STRAP: variants seen among roughly 807,000 people sequenced by gnomAD.
STRAP encodes the protein serine/threonine kinase receptor associated protein.
STRAP carries 16 observed loss-of-function variants against 47.0 expected under a neutral mutation model. That is an observed-to-expected ratio of 0.34 (90% CI 0.23 to 0.52). The LOEUF is 0.52. Ranked by LOEUF, STRAP falls within the 20% of genes least tolerant of loss-of-function variation. The probability of loss-of-function intolerance (pLI) is 0.96; values close to 1 mark genes in which losing one functional copy is unlikely to be tolerated. For synonymous variants in STRAP, 130 were observed against 142.7 expected, an observed-to-expected ratio of 0.91 and a Z score of 0.63; for missense variants, 293 against 420.0, an observed-to-expected ratio of 0.70 and a Z score of 2.64.
At chr12:15,885,618 G>A (rs71459198) in intron 2 of STRAP, among the ~76,000 whole-genome samples, 1 of 151,682 alleles carries the variant, frequency 6.6e-6, no homozygotes, top group African/African-American at 2.4e-5. Context: ...TGTGGTGGCA[G>A]ATACGTGACT....
At position 15,890,703 on chromosome 12, in the gene STRAP, A is replaced by C. The variant is rs2136109685; in HGVS notation, c.403+34A>C. 6.6e-7 allele frequency: 1 copy of C among 1,519,160 alleles called. No individual in the cohort carries two copies. Among genetic ancestry groups the C allele is most frequent in the South Asian group, 1.2e-5 (1 of 83,642 alleles). The allele number at this position is 1,519,160 out of a possible 1,614,324, so 94.1% of individuals were successfully genotyped here. Reference sequence around the variant, plus strand: ...AATTTAAACATCAGCTTCTAGTTTTATTTTCTTTTAATTTAAATAACTGAT... The same window carrying C: ...AATTTAAACATCAGCTTCTAGTTTTCTTTTCTTTTAATTTAAATAACTGAT... On this transcript the variant is annotated intron_variant, in intron 4 of 9. Coordinates refer to ENST00000419869, the MANE Select transcript of STRAP (RefSeq NM_007178.4). The surrounding 1 kb of genome is among the most constrained non-coding windows in gnomAD (Gnocchi z 4.5).
chr12:15,895,786 C>G (rs1442603643), intron 6 of STRAP, among the ~76,000 whole-genome samples: 1 of 143,372 alleles, frequency 7.0e-6, no homozygotes, highest in Non-Finnish European at 1.5e-5. Flanking sequence ...TTGCTGGAGC[C>G]TGGGAGGTTG....
chr12:15,892,987 T>TA (rs1217867158), intron 4 of STRAP, among the ~76,000 whole-genome samples: 1 of 152,224 alleles, frequency 6.6e-6, no homozygotes, highest in African/African-American at 2.4e-5. Flanking sequence ...TAAGCCCTAT[T>TA]CGCATTTGTA....
In STRAP at chr12:15,894,253, G is replaced by A; in HGVS notation, c.500+110G>A. 1 of 764,226 alleles carries A rather than the reference G, an allele frequency of 1.3e-6. No individual in the cohort carries two copies. The highest frequency in any genetic ancestry group is 2.7e-5 in the East Asian group (1 of 36,560). The allele number at this position is 764,226 out of a possible 1,614,324, so 47.3% of individuals were successfully genotyped here. On this transcript the variant is annotated intron_variant, in intron 5 of 9. Transcript: ENST00000419869. The surrounding 1 kb of genome is among the most constrained non-coding windows in gnomAD (Gnocchi z 4.9). ...CCGGGTGGATCATTAGAGGTCAGGA[G>A]TACTAGACCAGCCTGGCCGACATGG...
chr12:15,882,640 C>T lies in STRAP; in HGVS notation c.-68C>T. On this transcript the variant is annotated 5_prime_UTR_variant, in exon 1 of 10. Transcript: ENST00000419869. ...GGGCCTGGAGCAGCCCGAGGCACTG[C>T]AGCAGAAGAGAGAAAAGACAACGAC... 1.5e-6 allele frequency: 2 copies of T among 1,372,178 alleles called. No homozygotes were observed. Among genetic ancestry groups the T allele is most frequent in the Non-Finnish European group, 2.0e-6 (2 of 990,738 alleles). 85.0% of individuals were successfully genotyped at this position (1,372,178 alleles called of 1,614,324 possible).
At chr12:15,899,397 T>A (rs541107650) in intron 7 of STRAP, among the ~76,000 whole-genome samples, 1 of 152,328 alleles carries the variant, frequency 6.6e-6, no homozygotes, top group South Asian at 2.1e-4. Context: ...TATTTATGGA[T>A]CATTGTTGAT....
intron 4 of STRAP, among the ~76,000 whole-genome samples, chr12:15,893,642 A>G (rs1207667806): frequency 1.4e-5 from 2 of 147,904 alleles, no homozygotes; most frequent in Non-Finnish European, 3.0e-5. Flanking sequence ...ATATTATACA[A>G]TAATGCTTTT....
intron 4 of STRAP, among the ~76,000 whole-genome samples, chr12:15,892,338 T>A (rs1416919029): frequency 6.6e-6 from 1 of 152,184 alleles, no homozygotes; most frequent in Admixed American, 6.5e-5. Context: ...TGAAATTCTT[T>A]ATGCATTCTC....
intron 6 of STRAP, 129 bp from the exon 7 acceptor site, chr12:15,897,753 C>G: frequency 7.8e-6 from 3 of 386,984 alleles, no homozygotes; most frequent in Non-Finnish European, 4.3e-6. Context: ...TTTTTTACAT[C>G]AGTGTTTATG....
chr12:15,895,428 A>G lies in STRAP; in HGVS notation c.570A>G (p.Glu190=). 2 of 1,607,920 alleles carry G rather than the reference A, an allele frequency of 1.2e-6. No individual in the cohort carries two copies. Among genetic ancestry groups the G allele is most frequent in the East Asian group, 2.2e-5 (1 of 44,570 alleles). Residue 190 remains glutamate, a synonymous_variant, in exon 6 of 10, where the codon GAA becomes GAG. Transcript: ENST00000419869. The part of the protein sequence containing the change: ...LNFNMSVSSM[E]YIPEGEILVI... ...TTAATATGTCTGTTAGTAGTATGGAATATATTCCTGAGGGAGAGATTTTGG... is the reference window on the plus strand; with the variant it reads ...TTAATATGTCTGTTAGTAGTATGGAGTATATTCCTGAGGGAGAGATTTTGG...
rs1948040543 is a variant in STRAP at position 15,894,142 on chromosome 12, C to T, written c.499C>T (p.Arg167Ter). 4.3e-6 allele frequency: 7 copies of T among 1,610,638 alleles called. No homozygotes were observed. Among genetic ancestry groups the T allele is most frequent in the Non-Finnish European group, 5.1e-6 (6 of 1,178,042 alleles). The change falls in exon 5 of 10, where the codon CGA becomes TGA. Residue 167 changes from arginine (R) to a stop codon, truncating the protein, a stop_gained and splice_region_variant. Coordinates refer to ENST00000419869, the MANE Select transcript of STRAP (RefSeq NM_007178.4). LOFTEE classifies it high-confidence loss of function. This position sits in a 1 kb window ranked among gnomAD's most constrained non-coding sequence, Gnocchi z 4.9. ...TCTTTCTGCTGATGACAAAACTGTT[C>T]GGTAAGTAATTTTTCTTTAATAATT... is the stretch of plus-strand genomic sequence containing the variant. ...QILSADDKTV[R>*]LWDHATMTEV...
At chr12:15,899,732 A>G (rs1948088290) in intron 7 of STRAP, among the ~76,000 whole-genome samples, 172 bp from the exon 8 acceptor site, 1 of 152,234 alleles carries the variant, frequency 6.6e-6, no homozygotes, top group African/African-American at 2.4e-5. Flanking sequence ...TCTTACAGAG[A>G]AAGGGTCAAT....
chr12:15,889,946 C>T lies in STRAP; in HGVS notation c.267C>T (p.Val89=), dbSNP rs767321231. The T allele has an allele frequency of 1.9e-6, 3 of 1,613,470 alleles. No homozygotes were observed. In the African/African-American group the frequency reaches 4.0e-5, roughly 22 times the overall value. Residue 89 remains valine (V), a synonymous_variant, in exon 3 of 10, where the codon GTC becomes GTT. Coordinates refer to ENST00000419869, the MANE Select transcript of STRAP (RefSeq NM_007178.4). ...ADFTAKVWDA[V]SGDELMTLAH... ...CTTTTAGCAAAGTGTGGGATGCTGT[C>T]TCAGGAGATGAATTGATGACCCTGG... is the stretch of plus-strand genomic sequence containing the variant.
At chr12:15,891,118 GT>G (rs1268601209) in intron 4 of STRAP, among the ~76,000 whole-genome samples, 1 of 151,518 alleles carries the variant, frequency 6.6e-6, no homozygotes, top group East Asian at 1.9e-4. Flanking sequence ...TCAGTTTTTG[GT>G]TTATAAACTT....
chr12:15,897,713 ATTT>A (rs367620027), intron 6 of STRAP, among the ~76,000 whole-genome samples, 166 bp from the exon 7 acceptor site: 7 of 118,680 alleles, frequency 5.9e-5, no homozygotes, highest in Admixed American at 8.4e-5. Flanking sequence ...TATCCATTTG[ATTT>A]TTTTTTTTTT....
rs879449752 is a variant in STRAP, at chr12:15,884,507, C to CTT, written c.248+844_248+845dup. Among the ~76,000 whole-genome samples, 395 of 140,988 alleles carry CTT rather than the reference C, an allele frequency of 2.8e-3. 3 individuals carry two copies. The highest frequency in any genetic ancestry group is 9.6e-3 in the African/African-American group (376 of 38,970). The allele number at this position is 140,988 out of a possible 152,430, so 92.5% of individuals were successfully genotyped here. A position where few individuals can be genotyped will look rare whatever the true frequency, so the allele number is the denominator to read the frequency against. On this transcript the variant is annotated intron_variant, in intron 2 of 9. Coordinates refer to ENST00000419869, the MANE Select transcript of STRAP (RefSeq NM_007178.4). ...GTCCCAGAAATTCGGATTTTTAAAA[C>CTT]TTTTTTTTTTTTTTACTTTTTTACT...
intron 6 of STRAP, among the ~76,000 whole-genome samples, chr12:15,895,898 A>G (rs1419402861): frequency 6.6e-6 from 1 of 150,864 alleles, no homozygotes; most frequent in East Asian, 1.9e-4. Context: ...AACTACTGAA[A>G]TGGTGCTGTC....
Position 15,887,160 on chromosome 12 carries a change from T to TA in STRAP, c.249-2766dup, listed in dbSNP as rs1947978846. On this transcript the variant is annotated intron_variant, in intron 2 of 9. Transcript: ENST00000419869. The surrounding 1 kb of genome is among the most constrained non-coding windows in gnomAD (Gnocchi z 5.5). ...CTCCTAGATGACTTGGTCAACATGT[T>TA]AAGGTATTTGGGCAATTTTTTAAAA... Among the ~76,000 whole-genome samples the TA allele has an allele frequency of 6.6e-6, 1 of 152,234 alleles. No individual in the cohort carries two copies. The highest frequency in any genetic ancestry group is 2.4e-5 in the African/African-American group (1 of 41,452).
At chr12:15,883,192 C>A (rs1210899318) in intron 1 of STRAP, 8 of 1,459,746 alleles carry the variant, frequency 5.5e-6, no homozygotes, top group South Asian at 2.4e-5. Flanking sequence ...CAAAGACGTT[C>A]GCTCTTGTCT....
Sources: allele counts gnomAD v4.1 joint callset (sites outside exome capture counted in the v4.1 genomes callset), GRCh38; gene constraint gnomAD v4.1.1; non-coding constraint Gnocchi (gnomAD v3.1); transcripts MANE v1.5; gene names NCBI Gene and HGNC (gene_info 2026-07-23, HGNC 2026-07-21).